SGCZ: variants seen among roughly 807,000 people sequenced by gnomAD.
The protein encoded by SGCZ is sarcoglycan zeta, also known as zeta-sarcoglycan.
SGCZ carries 40 observed loss-of-function variants against 41.3 expected under a neutral mutation model. The ratio of observed to expected loss-of-function variants is 0.97; its 90% confidence interval spans 0.75 to 1.26. The LOEUF is 1.26. Among genes scored for constraint, SGCZ ranks in the 50% most tolerant of loss-of-function variants. The pLI is 0.00. For synonymous variants in SGCZ, 206 were observed against 137.5 expected (o/e 1.50, Z -3.49); for missense variants, 552 against 369.8 (o/e 1.49, Z -4.04).
intron 1 of SGCZ, among the ~76,000 whole-genome samples, chr8:15,017,570 C>T (rs13257934): frequency 0.83 from 126,450 of 152,108 alleles, 53,191 homozygotes; most frequent in Non-Finnish European, 0.9. Context: ...GGCACAACCA[C>T]GGCTCAATGC....
intron 5 of SGCZ, among the ~76,000 whole-genome samples, chr8:14,113,055 T>G (rs930615967): frequency 6.6e-6 from 1 of 152,162 alleles, no homozygotes; most frequent in Non-Finnish European, 1.5e-5. Context: ...ATTTGTGTTA[T>G]TTTAATAATC....
At chr8:15,226,859 C>G (rs1801790998) in intron 1 of SGCZ, among the ~76,000 whole-genome samples, 1 of 152,158 alleles carries the variant, frequency 6.6e-6, no homozygotes, top group African/African-American at 2.4e-5. Context: ...GTGTGATGGT[C>G]TTAATGACCA....
intron 5 of SGCZ, among the ~76,000 whole-genome samples, chr8:14,144,072 T>A (rs1803452171): frequency 6.6e-6 from 1 of 152,082 alleles, no homozygotes; most frequent in Admixed American, 6.5e-5. Context: ...ACTTGCCAAC[T>A]CTTGGCAAGT....
At chr8:14,915,497 A>T (rs2130783118) in intron 1 of SGCZ, among the ~76,000 whole-genome samples, 1 of 152,268 alleles carries the variant, frequency 6.6e-6, no homozygotes, top group East Asian at 1.9e-4. Context: ...GAATGCCAGA[A>T]GGAACCAGGG....
At chr8:14,613,709 T>C (rs149511446) in intron 1 of SGCZ, among the ~76,000 whole-genome samples, 53 of 150,088 alleles carry the variant, frequency 3.5e-4, no homozygotes, top group African/African-American at 1.3e-3. Context: ...ACTGGAATCA[T>C]CTGCAAATTC....
At chr8:15,233,626 G>T (rs79696659) in intron 1 of SGCZ, among the ~76,000 whole-genome samples, 7,557 of 152,064 alleles carry the variant, frequency 0.05, 249 homozygotes, top group Non-Finnish European at 0.067. Flanking sequence ...AGAGAAAAAT[G>T]AAGCAACAGT....
intron 1 of SGCZ, among the ~76,000 whole-genome samples, chr8:14,825,417 A>G (rs1330730668): frequency 6.6e-6 from 1 of 152,208 alleles, no homozygotes; most frequent in East Asian, 1.9e-4. Flanking sequence ...CAAAAAATAT[A>G]AAAATCGTTT....
intron 1 of SGCZ, among the ~76,000 whole-genome samples, chr8:14,673,632 G>A (rs529123473): frequency 5.9e-5 from 9 of 152,260 alleles, no homozygotes; most frequent in Admixed American, 5.9e-4. Context: ...TTATAGCAGT[G>A]TGAAAATGGA....
chr8:14,309,824 G>A (rs762676277), intron 3 of SGCZ, among the ~76,000 whole-genome samples: 3 of 151,954 alleles, frequency 2.0e-5, no homozygotes, highest in Admixed American at 6.6e-5. Flanking sequence ...AGTCTCATTC[G>A]CCTTTGTCTT....
intron 4 of SGCZ, among the ~76,000 whole-genome samples, chr8:14,219,191 T>A (rs1806102959): frequency 6.6e-6 from 1 of 152,164 alleles, no homozygotes; most frequent in Admixed American, 6.5e-5. Context: ...GCTCAGTGGA[T>A]GGACCAAGAA....
At chr8:14,138,957 CA>C (rs1563148491) in intron 5 of SGCZ, among the ~76,000 whole-genome samples, 1 of 152,140 alleles carries the variant, frequency 6.6e-6, no homozygotes, top group Non-Finnish European at 1.5e-5. Flanking sequence ...CACTCCTCAG[CA>C]AATGTAAAAG....
At chr8:14,411,942 A>C (rs1799371487) in intron 2 of SGCZ, among the ~76,000 whole-genome samples, 2 of 152,100 alleles carry the variant, frequency 1.3e-5, no homozygotes, top group South Asian at 4.1e-4. Context: ...GGCTGACAGG[A>C]AAGAGGTAAA....
intron 1 of SGCZ, among the ~76,000 whole-genome samples, chr8:14,817,184 G>C (rs985509627): frequency 6.6e-6 from 1 of 152,174 alleles, no homozygotes; most frequent in Non-Finnish European, 1.5e-5. Flanking sequence ...CCTTCTGTGT[G>C]TCACAGAAGC....
chr8:14,550,618 T>C (rs1374921102), intron 2 of SGCZ, among the ~76,000 whole-genome samples: 1 of 151,934 alleles, frequency 6.6e-6, no homozygotes, highest in Non-Finnish European at 1.5e-5. Flanking sequence ...AAAACTGTTT[T>C]TTCCAACTTA....
At chr8:15,064,534 CAAAAAAAAAAAAA>C (rs199980199) in intron 1 of SGCZ, among the ~76,000 whole-genome samples, 29 of 132,092 alleles carry the variant, frequency 2.2e-4, no homozygotes, top group African/African-American at 3.7e-4. Context: ...CCAGGCCTCT[CAAAAAAAAAAAAA>C]AAAAAAAAAA....
At chr8:14,490,560 A>T (rs1263237441) in intron 2 of SGCZ, among the ~76,000 whole-genome samples, 2 of 152,178 alleles carry the variant, frequency 1.3e-5, no homozygotes, top group African/African-American at 4.8e-5. Context: ...TCTCTGTTTC[A>T]TTGATGAGTA....
At chr8:14,401,419 T>C (rs13259664) in intron 2 of SGCZ, among the ~76,000 whole-genome samples, 56,267 of 134,088 alleles carry the variant, frequency 0.42, 13,298 homozygotes, top group African/African-American at 0.64. Flanking sequence ...GTATATCTCC[T>C]AAAGCTATCC....
At chr8:15,002,960 A>C (rs2130913322) in intron 1 of SGCZ, among the ~76,000 whole-genome samples, 1 of 151,964 alleles carries the variant, frequency 6.6e-6, no homozygotes, top group Middle Eastern at 3.4e-3. Context: ...ACAAGATCTG[A>C]TGGTTTTATA....
chr8:14,725,617 C>A (rs1331697516), intron 1 of SGCZ, among the ~76,000 whole-genome samples: 1 of 152,090 alleles, frequency 6.6e-6, no homozygotes, highest in Non-Finnish European at 1.5e-5. Flanking sequence ...AATGTGAAGG[C>A]AAATTTAATG....
Sources: gnomAD v4.1 joint callset for allele counts (sites outside exome capture counted in the v4.1 genomes callset) on GRCh38, gnomAD v4.1.1 for gene constraint, MANE v1.5 for transcripts, NCBI Gene and HGNC (gene_info 2026-07-23, HGNC 2026-07-21) for gene names.